Variants in TOP6BL observed in about 807,000 individuals in gnomAD.
TOP6BL encodes TOP6B like initiator of meiotic double strand breaks.
At chr11:66,813,975 T>G in the TOP6BL span, 1 of 1,613,840 alleles carries the variant, frequency 6.2e-7, no homozygotes, top group Non-Finnish European at 8.5e-7. Flanking sequence ...AAAAATACCA[T>G]TTGTGTATGA....
At chr11:66,780,565 G>A in the TOP6BL span, among the ~76,000 whole-genome samples, 7 of 151,738 alleles carry the variant, frequency 4.6e-5, no homozygotes, top group Non-Finnish European at 1.0e-4. Flanking sequence ...GCGCTTTATT[G>A]TTTTTATTTA....
At chr11:66,745,314 T>TTGGGGGGGGGGGGG in the TOP6BL span, among the ~76,000 whole-genome samples, 1 of 111,052 alleles carries the variant, frequency 9.0e-6, no homozygotes, top group African/African-American at 3.6e-5. Flanking sequence ...CGGGGCGGGG[T>TTGGGGGGGGGGGGG]GGGGGGAGTC....
the TOP6BL span, chr11:66,843,515 G>A: frequency 2.0e-6 from 3 of 1,497,602 alleles, no homozygotes; most frequent in Admixed American, 2.3e-5. Context: ...CGGAGCGGCC[G>A]CCCGAGTCGG....
the TOP6BL span, among the ~76,000 whole-genome samples, chr11:66,839,768 CAAAG>C: frequency 6.6e-6 from 1 of 152,154 alleles, no homozygotes; most frequent in African/African-American, 2.4e-5. Flanking sequence ...TCAGAAGAGA[CAAAG>C]GAATAAGTAT....
the TOP6BL span, among the ~76,000 whole-genome samples, chr11:66,834,659 G>A: frequency 6.6e-6 from 1 of 152,184 alleles, no homozygotes; most frequent in African/African-American, 2.4e-5. Flanking sequence ...CAGGAATGGA[G>A]AAGGTATTAT....
At chr11:66,820,209 T>A in the TOP6BL span, among the ~76,000 whole-genome samples, 2 of 152,218 alleles carry the variant, frequency 1.3e-5, no homozygotes. Flanking sequence ...ATCTATGTTC[T>A]CCCTGACTCC....
the TOP6BL span, among the ~76,000 whole-genome samples, chr11:66,840,749 A>G: frequency 2.6e-5 from 4 of 152,278 alleles, no homozygotes; most frequent in East Asian, 1.9e-4. Context: ...TATCTGAACT[A>G]TGTGCAAAAT....
the TOP6BL span, among the ~76,000 whole-genome samples, chr11:66,780,109 T>C: frequency 6.6e-6 from 1 of 151,796 alleles, no homozygotes; most frequent in Admixed American, 6.6e-5. Flanking sequence ...TGTATACATA[T>C]GTAACAAACC....
chr11:66,828,278 CAA>C, the TOP6BL span: 1 of 1,613,424 alleles, frequency 6.2e-7, no homozygotes, highest in Non-Finnish European at 8.5e-7. Context: ...AGCTGACACA[CAA>C]GAGTTCAGGA....
the TOP6BL span, among the ~76,000 whole-genome samples, chr11:66,756,915 T>C: frequency 6.6e-6 from 1 of 151,908 alleles, no homozygotes; most frequent in Non-Finnish European, 1.5e-5. Context: ...TTTGTGATAT[T>C]ACCCAGGCTG....
the TOP6BL span, among the ~76,000 whole-genome samples, chr11:66,801,938 C>T: frequency 6.6e-6 from 1 of 152,204 alleles, no homozygotes; most frequent in South Asian, 2.1e-4. Context: ...TTAACTACCA[C>T]AGAATCCAAA....
chr11:66,757,211 C>G, the TOP6BL span, among the ~76,000 whole-genome samples: 2 of 151,886 alleles, frequency 1.3e-5, no homozygotes, highest in Non-Finnish European at 2.9e-5. Flanking sequence ...GGCGCGGTGG[C>G]GTATGTCTAT....
At chr11:66,754,799 C>T in the TOP6BL span, among the ~76,000 whole-genome samples, 6 of 152,270 alleles carry the variant, frequency 3.9e-5, no homozygotes, top group Admixed American at 2.0e-4. Flanking sequence ...TTTTGATTCT[C>T]GTCCCAAAGA....
At chr11:66,745,723 A>G in the TOP6BL span, among the ~76,000 whole-genome samples, 3 of 152,260 alleles carry the variant, frequency 2.0e-5, no homozygotes, top group Non-Finnish European at 4.4e-5. Context: ...GCTAGAACCC[A>G]GGGCGCTGAC....
At chr11:66,813,500 C>T in the TOP6BL span, among the ~76,000 whole-genome samples, 14 of 151,902 alleles carry the variant, frequency 9.2e-5, no homozygotes, top group Admixed American at 2.0e-4. Flanking sequence ...TTTGGGAGGC[C>T]GAGGTGGGCA....
At chr11:66,818,627 C>T in the TOP6BL span, among the ~76,000 whole-genome samples, 15 of 152,196 alleles carry the variant, frequency 9.9e-5, no homozygotes, top group South Asian at 2.7e-3. Context: ...AAGTATGTCA[C>T]GTAAATCTGA....
At chr11:66,802,549 C>T in the TOP6BL span, among the ~76,000 whole-genome samples, 4 of 152,134 alleles carry the variant, frequency 2.6e-5, no homozygotes, top group East Asian at 1.9e-4. Flanking sequence ...CCTCCTGCCT[C>T]GGCCTTTCAA....
the TOP6BL span, among the ~76,000 whole-genome samples, chr11:66,774,560 TCTC>T: frequency 6.6e-6 from 1 of 152,058 alleles, no homozygotes; most frequent in Non-Finnish European, 1.5e-5. Context: ...TTCACGCCAT[TCTC>T]CTATCTCAGC....
At chr11:66,745,006 C>G in the TOP6BL span, 2 of 1,201,984 alleles carry the variant, frequency 1.7e-6, no homozygotes, top group Non-Finnish European at 2.1e-6. Context: ...GCAGAGGGGT[C>G]GGGCGTCGCC....
Sources: allele counts gnomAD v4.1 joint callset (sites outside exome capture counted in the v4.1 genomes callset), GRCh38; gene constraint gnomAD v4.1.1; transcripts MANE v1.5; gene names NCBI Gene and HGNC (gene_info 2026-07-23, HGNC 2026-07-21).